The following RIMS2 variants were observed in gnomAD, a reference collection of about 807,000 sequenced individuals.
The protein encoded by RIMS2 is regulating synaptic membrane exocytosis 2, also known as regulating synaptic membrane exocytosis protein 2.
In RIMS2, 59 loss-of-function variants were observed where a neutral mutation model predicts 174.4. The observed-to-expected ratio is 0.34, with a 90% CI of 0.27 to 0.42. RIMS2 has a LOEUF of 0.42. Ranked by LOEUF, RIMS2 falls within the 10% of genes least tolerant of loss-of-function variation. The probability of loss-of-function intolerance (pLI) is 1.00; values close to 1 mark genes in which losing one functional copy is unlikely to be tolerated. For missense variants in RIMS2, 1,620 were observed against 1,666.3 expected (o/e 0.97, Z 0.48); for synonymous variants, 606 against 572.5 (o/e 1.06, Z -0.84).
intron 1 of RIMS2, among the ~76,000 whole-genome samples, chr8:103,623,345 A>G (rs770316918): frequency 2.0e-5 from 3 of 152,142 alleles, no homozygotes; most frequent in Non-Finnish European, 4.4e-5. Context: ...TTATTTCTAT[A>G]TAAAATTTTT....
At chr8:103,747,104 T>A (rs1048195777) in intron 2 of RIMS2, among the ~76,000 whole-genome samples, 1 of 151,910 alleles carries the variant, frequency 6.6e-6, no homozygotes, top group African/African-American at 2.4e-5. Context: ...ACTTTATTAT[T>A]ATTATACTTT....
At chr8:104,108,414 C>T (rs2098117895) in intron 19 of RIMS2, among the ~76,000 whole-genome samples, 1 of 152,006 alleles carries the variant, frequency 6.6e-6, no homozygotes, top group Admixed American at 6.6e-5. Flanking sequence ...GCCTCAGCCT[C>T]CCAAGTAGCT....
chr8:103,655,366 A>G (rs2096515760), intron 1 of RIMS2, among the ~76,000 whole-genome samples: 2 of 152,056 alleles, frequency 1.3e-5, no homozygotes, highest in African/African-American at 4.8e-5. Flanking sequence ...GCCTCTGGAT[A>G]ATTAAAGATG....
At chr8:103,991,834 C>G (rs1006571726) in intron 17 of RIMS2, among the ~76,000 whole-genome samples, 1 of 151,986 alleles carries the variant, frequency 6.6e-6, no homozygotes, top group African/African-American at 2.4e-5. Context: ...GAAAATTAAC[C>G]TCTTTGACAC....
chr8:103,838,836 C>T (rs889398279), intron 3 of RIMS2, among the ~76,000 whole-genome samples: 9 of 152,212 alleles, frequency 5.9e-5, no homozygotes, highest in Non-Finnish European at 7.4e-5. Context: ...GAGGCCGAGG[C>T]GGGCAGATCA....
chr8:104,211,567 AT>A (rs10699798), intron 19 of RIMS2, among the ~76,000 whole-genome samples: 2,067 of 141,602 alleles, frequency 0.015, 27 homozygotes, highest in Non-Finnish European at 0.024. Flanking sequence ...CCAATGTGGA[AT>A]TTTTTTTTTT....
At chr8:103,753,005 C>G (rs1193480063) in intron 2 of RIMS2, among the ~76,000 whole-genome samples, 1 of 151,974 alleles carries the variant, frequency 6.6e-6, no homozygotes, top group Admixed American at 6.6e-5. Context: ...GCATCCCTGT[C>G]TTGTGCCAGT....
At chr8:103,833,885 T>G (rs149091270) in intron 3 of RIMS2, among the ~76,000 whole-genome samples, 1 of 152,346 alleles carries the variant, frequency 6.6e-6, no homozygotes, top group East Asian at 1.9e-4. Context: ...GGATCTTGTT[T>G]TCCTATTTCC....
chr8:104,182,853 T>A (rs1351821065), intron 19 of RIMS2, among the ~76,000 whole-genome samples: 3 of 151,778 alleles, frequency 2.0e-5, no homozygotes, highest in African/African-American at 7.2e-5. Flanking sequence ...TTCAATAGGC[T>A]AAGATCAAGT....
At chr8:103,940,321 C>A (rs1428359085) in intron 13 of RIMS2, among the ~76,000 whole-genome samples, 1 of 152,106 alleles carries the variant, frequency 6.6e-6, no homozygotes, top group Non-Finnish European at 1.5e-5. Context: ...TGCAGGAGAA[C>A]TCCTCTATAA....
intron 2 of RIMS2, among the ~76,000 whole-genome samples, chr8:103,713,663 T>C (rs1434355465): frequency 1.3e-5 from 2 of 152,220 alleles, no homozygotes; most frequent in African/African-American, 4.8e-5. Context: ...AGTTTTGGCC[T>C]GTTAATCACA....
chr8:104,048,209 A>C (rs1020209041), intron 19 of RIMS2, among the ~76,000 whole-genome samples: 1 of 152,178 alleles, frequency 6.6e-6, no homozygotes, highest in Admixed American at 6.5e-5. Flanking sequence ...TAAAAGCCTT[A>C]ACATCTGAAT....
chr8:103,943,968 C>T (rs954442756), intron 14 of RIMS2, among the ~76,000 whole-genome samples: 1 of 152,032 alleles, frequency 6.6e-6, no homozygotes, highest in African/African-American at 2.4e-5. Flanking sequence ...CACCCTTCTG[C>T]TGAATAGAAG....
At chr8:103,750,442 A>C (rs188252859) in intron 2 of RIMS2, among the ~76,000 whole-genome samples, 1 of 152,296 alleles carries the variant, frequency 6.6e-6, no homozygotes, top group African/African-American at 2.4e-5. Context: ...TTCATTTTAA[A>C]ATAACAAAGA....
chr8:103,921,888 T>G lies in RIMS2; in HGVS notation c.2196+104T>G, dbSNP rs114273435. The G allele has an allele frequency of 7.2e-4, 363 of 506,800 alleles. 1 individual carries two copies. Among genetic ancestry groups the G allele is most frequent in the African/African-American group, 6.5e-3 (330 of 50,388 alleles). 31.4% of individuals were successfully genotyped at this position (506,800 alleles called of 1,614,324 possible). A position where few individuals can be genotyped will look rare whatever the true frequency, so the allele number is the denominator to read the frequency against. ...CCAAGTTATTCCTAGAACATAATTG[T>G]GCTTTTAACCTCCCACTTTCTCATT... On this transcript the variant is annotated intron_variant, in intron 10 of 23. Transcript: ENST00000504942.
chr8:104,164,695 G>T (rs1395670374), intron 19 of RIMS2, among the ~76,000 whole-genome samples: 1 of 152,098 alleles, frequency 6.6e-6, no homozygotes, highest in Non-Finnish European at 1.5e-5. Flanking sequence ...GCAAACTAAT[G>T]CAGGAACAGA....
intron 1 of RIMS2, among the ~76,000 whole-genome samples, chr8:103,651,439 T>A (rs1259331105): frequency 6.8e-6 from 1 of 146,156 alleles, no homozygotes; most frequent in African/African-American, 2.6e-5. Flanking sequence ...AGTTTCTGAC[T>A]GTGAATTTTA....
intron 17 of RIMS2, among the ~76,000 whole-genome samples, chr8:104,012,159 G>A (rs1172546993): frequency 6.6e-6 from 1 of 151,828 alleles, no homozygotes; most frequent in African/African-American, 2.4e-5. Context: ...TCACATGATA[G>A]TATATGGACT....
At chr8:103,566,274 A>G (rs1032378425) in intron 1 of RIMS2, among the ~76,000 whole-genome samples, 6 of 151,836 alleles carry the variant, frequency 4.0e-5, no homozygotes, top group Admixed American at 1.3e-4. Flanking sequence ...TGTTCCTTCT[A>G]TGTTAGTCAT....
Sources: gnomAD v4.1 joint callset for allele counts (sites outside exome capture counted in the v4.1 genomes callset) on GRCh38, gnomAD v4.1.1 for gene constraint, MANE v1.5 for transcripts, NCBI Gene and HGNC (gene_info 2026-07-23, HGNC 2026-07-21) for gene names.